The following LRRTM4 variants were observed in gnomAD, a reference collection of about 807,000 sequenced individuals.
The protein encoded by LRRTM4 is leucine rich repeat transmembrane neuronal 4.
Under a neutral mutation model 47.6 loss-of-function variants are expected in LRRTM4, and 25 were observed. The observed-to-expected ratio is 0.53, with a 90% CI of 0.38 to 0.73. The LOEUF (loss-of-function observed/expected upper bound fraction) is 0.73. LRRTM4 is among the 30% of genes least tolerant of loss of function. The pLI is 0.00. For synonymous variants in LRRTM4, 311 were observed against 269.5 expected (o/e 1.15, Z -1.51); for missense variants, 638 against 713.4 (o/e 0.89, Z 1.20).
chr2:76,995,965 C>A (rs556411481), intron 3 of LRRTM4, among the ~76,000 whole-genome samples: 1 of 151,822 alleles, frequency 6.6e-6, no homozygotes, highest in Non-Finnish European at 1.5e-5. Flanking sequence ...AATTAACTTA[C>A]GAAGGTATGC....
At position 77,238,207 on chromosome 2, in the gene LRRTM4, CAAT is replaced by C. The variant is rs527310734; in HGVS notation, c.1551+280108_1551+280110del. ...GATATGTTAATCTGCTTCACTGTAA[CAAT>C]TATTTTACGATCTATATGTATCCTA... On this transcript the variant is annotated intron_variant, in intron 3 of 3. Coordinates refer to ENST00000409884, the MANE Select transcript of LRRTM4 (RefSeq NM_001134745.3). 2.4e-3 allele frequency among the ~76,000 whole-genome samples: 361 copies of C among 152,196 alleles called. 2 individuals carry two copies. The highest frequency in any genetic ancestry group is 3.8e-3 in the Non-Finnish European group (261 of 67,996).
intron 3 of LRRTM4, among the ~76,000 whole-genome samples, chr2:76,768,698 G>C (rs939345202): frequency 3.3e-5 from 5 of 151,836 alleles, no homozygotes; most frequent in Non-Finnish European, 5.9e-5. Flanking sequence ...CAAAAATTAG[G>C]AAAATAAAAA....
At chr2:76,952,588 G>A (rs771317646) in intron 3 of LRRTM4, among the ~76,000 whole-genome samples, 1 of 151,974 alleles carries the variant, frequency 6.6e-6, no homozygotes, top group Non-Finnish European at 1.5e-5. Flanking sequence ...TACACTGTTT[G>A]TGGAAATGTA....
At chr2:77,326,261 T>C (rs778644502) in intron 3 of LRRTM4, among the ~76,000 whole-genome samples, 3 of 152,244 alleles carry the variant, frequency 2.0e-5, no homozygotes, top group Non-Finnish European at 4.4e-5. Context: ...TCTCACATCA[T>C]GTAAAACTTG....
At chr2:77,005,264 C>T (rs1677596658) in intron 3 of LRRTM4, among the ~76,000 whole-genome samples, 2 of 152,150 alleles carry the variant, frequency 1.3e-5, no homozygotes, top group Admixed American at 1.3e-4. Context: ...CCTGCCTCAG[C>T]CTCCTGAGTA....
At chr2:77,367,046 A>C (rs919455388) in intron 3 of LRRTM4, among the ~76,000 whole-genome samples, 1 of 151,860 alleles carries the variant, frequency 6.6e-6, no homozygotes. Flanking sequence ...CTTTCCATTT[A>C]ATGCATACTG....
At chr2:77,506,372 G>T (rs1029180666) in intron 3 of LRRTM4, among the ~76,000 whole-genome samples, 5 of 151,520 alleles carry the variant, frequency 3.3e-5, no homozygotes, top group Non-Finnish European at 5.9e-5. Flanking sequence ...GGATGAGAAA[G>T]GCATTTTTAA....
intron 3 of LRRTM4, among the ~76,000 whole-genome samples, chr2:77,370,934 C>G (rs1290011359): frequency 6.6e-6 from 1 of 151,470 alleles, no homozygotes; most frequent in East Asian, 1.9e-4. Context: ...GCCATAGGCC[C>G]CTCATTAATA....
intron 3 of LRRTM4, among the ~76,000 whole-genome samples, chr2:77,031,753 CAG>C (rs140683398): frequency 7.9e-5 from 12 of 152,016 alleles, no homozygotes; most frequent in East Asian, 1.9e-4. Flanking sequence ...GTGTGTGTGA[CAG>C]AGAGAGAGCG....
chr2:77,020,667 T>C (rs907409836), intron 3 of LRRTM4, among the ~76,000 whole-genome samples: 2 of 152,146 alleles, frequency 1.3e-5, no homozygotes, highest in Non-Finnish European at 2.9e-5. Context: ...AATATCTCTA[T>C]GCATGCAATT....
At chr2:77,022,607 C>T (rs1262891568) in intron 3 of LRRTM4, among the ~76,000 whole-genome samples, 1 of 152,090 alleles carries the variant, frequency 6.6e-6, no homozygotes, top group Non-Finnish European at 1.5e-5. Context: ...GAGAAATTGT[C>T]CAAAACAAAG....
At chr2:76,865,763 A>C (rs1223491881) in intron 3 of LRRTM4, among the ~76,000 whole-genome samples, 1 of 152,198 alleles carries the variant, frequency 6.6e-6, no homozygotes, top group Admixed American at 6.5e-5. Context: ...TGAGGACTAC[A>C]CATTTAAATA....
At chr2:76,968,277 T>C (rs1367416018) in intron 3 of LRRTM4, among the ~76,000 whole-genome samples, 7 of 142,906 alleles carry the variant, frequency 4.9e-5, no homozygotes, top group Non-Finnish European at 9.1e-5. Context: ...AATCTGGCAA[T>C]GAGTCTAAAA....
At position 76,778,563 on chromosome 2, in the gene LRRTM4, A is replaced by G. The variant is rs1411116602; in HGVS notation, c.1552-29647T>C. Among the ~76,000 whole-genome samples, 5 of 151,856 alleles carry G rather than the reference A, an allele frequency of 3.3e-5. No homozygotes were observed. The East Asian group carries it at 9.6e-4, about 29-fold the overall frequency. On this transcript the variant is annotated intron_variant, in intron 3 of 3. Coordinates refer to ENST00000409884, the MANE Select transcript of LRRTM4 (RefSeq NM_001134745.3). Reference sequence around the variant, plus strand: ...TTATTTGCGTAGAGGTGTTTGTAGTATTCTCTGATGGTAGTTTGTATTTCT... The same window carrying G: ...TTATTTGCGTAGAGGTGTTTGTAGTGTTCTCTGATGGTAGTTTGTATTTCT...
At chr2:77,029,519 C>G (rs1449842697) in intron 3 of LRRTM4, among the ~76,000 whole-genome samples, 1 of 152,090 alleles carries the variant, frequency 6.6e-6, no homozygotes, top group Non-Finnish European at 1.5e-5. Context: ...TCAGTTAAGT[C>G]TCCACATTCC....
intron 3 of LRRTM4, among the ~76,000 whole-genome samples, chr2:77,069,323 T>C (rs1680069600): frequency 6.6e-6 from 1 of 152,040 alleles, no homozygotes; most frequent in South Asian, 2.1e-4. Flanking sequence ...TGTACAGGCT[T>C]TCATGTGGAT....
At chr2:77,352,631 C>T (rs537361655) in intron 3 of LRRTM4, among the ~76,000 whole-genome samples, 1 of 152,118 alleles carries the variant, frequency 6.6e-6, no homozygotes, top group Admixed American at 6.6e-5. Context: ...AGTTATTGGT[C>T]TAAATATGAC....
chr2:76,807,384 ATATATATATATATATGTATATACG>A (rs1558667131), intron 3 of LRRTM4, among the ~76,000 whole-genome samples: 4,101 of 82,522 alleles, frequency 0.05, 315 homozygotes, highest in East Asian at 0.16. Context: ...CATTCATTTT[ATATATATATATATATGTATATACG>A]TATATATATA....
At chr2:77,300,698 T>C (rs1281593790) in intron 3 of LRRTM4, among the ~76,000 whole-genome samples, 2 of 152,186 alleles carry the variant, frequency 1.3e-5, no homozygotes, top group Non-Finnish European at 2.9e-5. Flanking sequence ...GAAAAGGATC[T>C]GAGGAACATA....
Sources: gnomAD v4.1 joint callset for allele counts (sites outside exome capture counted in the v4.1 genomes callset) on GRCh38, gnomAD v4.1.1 for gene constraint, MANE v1.5 for transcripts, NCBI Gene and HGNC (gene_info 2026-07-23, HGNC 2026-07-21) for gene names.